Variants in ATP6V1E1 observed in about 807,000 individuals in gnomAD.
ATP6V1E1 encodes the protein ATPase H+ transporting V1 subunit E1, also known as V-type proton ATPase subunit E 1.
In ATP6V1E1, 21 loss-of-function variants were observed where a neutral mutation model predicts 35.2. That is an observed-to-expected ratio of 0.60 (90% confidence interval 0.42 to 0.86). The LOEUF (loss-of-function observed/expected upper bound fraction) is 0.86, where lower values mean the gene tolerates loss of function less well. ATP6V1E1 is among the 40% of genes least tolerant of loss of function. The probability of loss-of-function intolerance (pLI) is 0.00; values close to 1 mark genes in which losing one functional copy is unlikely to be tolerated. For missense variants in ATP6V1E1, 183 were observed against 272.6 expected (o/e 0.67, Z 2.32); for synonymous variants, 83 against 87.8 (o/e 0.95, Z 0.30).
chr22:17,612,210 C>T (rs779015798), intron 4 of ATP6V1E1, among the ~76,000 whole-genome samples: 18 of 152,284 alleles, frequency 1.2e-4, no homozygotes, highest in Admixed American at 4.6e-4. Context: ...GAATCTAGGG[C>T]CTCCACAGTC....
At chr22:17,605,099 G>C (rs546991559) in intron 4 of ATP6V1E1, among the ~76,000 whole-genome samples, 2 of 150,430 alleles carry the variant, frequency 1.3e-5, no homozygotes, top group Non-Finnish European at 2.9e-5. Flanking sequence ...CAGCTACTGG[G>C]GAGGCTGAGG....
chr22:17,596,969 A>G (rs906406194), intron 7 of ATP6V1E1, among the ~76,000 whole-genome samples: 1 of 151,982 alleles, frequency 6.6e-6, no homozygotes, highest in East Asian at 1.9e-4. Flanking sequence ...GGCACCAGGC[A>G]TGGTGGCTCA....
chr22:17,607,080 T>C (rs554835215), intron 4 of ATP6V1E1, among the ~76,000 whole-genome samples: 92 of 152,178 alleles, frequency 6.0e-4, no homozygotes, highest in Non-Finnish European at 1.0e-3. Flanking sequence ...AACAGACTCA[T>C]AGAGCTTCAC....
intron 2 of ATP6V1E1, among the ~76,000 whole-genome samples, chr22:17,614,500 T>TAC (rs112669120): frequency 0.33 from 48,471 of 148,470 alleles, 8,380 homozygotes; most frequent in Middle Eastern, 0.45. Flanking sequence ...CTACTAAAAA[T>TAC]ACACACACAC....
chr22:17,617,541 G>A (rs1486461607), intron 2 of ATP6V1E1, among the ~76,000 whole-genome samples: 1 of 152,014 alleles, frequency 6.6e-6, no homozygotes, highest in African/African-American at 2.4e-5. Flanking sequence ...TGATCCACTT[G>A]TGTCGGCCTC....
intron 7 of ATP6V1E1, among the ~76,000 whole-genome samples, chr22:17,596,236 G>A (rs1465434025): frequency 2.0e-5 from 3 of 152,222 alleles, no homozygotes; most frequent in Admixed American, 1.3e-4. Context: ...GTTTGAGTCT[G>A]TTCCCTCAGA....
At chr22:17,624,576 C>T (rs779612245) in intron 1 of ATP6V1E1, among the ~76,000 whole-genome samples, 5 of 151,334 alleles carry the variant, frequency 3.3e-5, no homozygotes, top group East Asian at 1.9e-4. Flanking sequence ...ATAACTCATG[C>T]GCAGTGGCTC....
intron 1 of ATP6V1E1, among the ~76,000 whole-genome samples, chr22:17,623,352 G>A (rs1261469786): frequency 6.6e-6 from 1 of 152,158 alleles, no homozygotes. Context: ...AGTTTAGTTT[G>A]AAGTCTCACT....
At chr22:17,608,947 G>A (rs942086693) in intron 4 of ATP6V1E1, among the ~76,000 whole-genome samples, 2 of 151,870 alleles carry the variant, frequency 1.3e-5, no homozygotes, top group African/African-American at 2.4e-5. Flanking sequence ...TTAGCCGGGC[G>A]CAGTGGCGGG....
intron 1 of ATP6V1E1, among the ~76,000 whole-genome samples, chr22:17,624,078 C>T (rs2146318679): frequency 6.6e-6 from 1 of 152,236 alleles, no homozygotes; most frequent in African/African-American, 2.4e-5. Flanking sequence ...CAAATATACA[C>T]AAATATTTTC....
intron 1 of ATP6V1E1, among the ~76,000 whole-genome samples, chr22:17,622,695 G>T (rs112410308): frequency 6.6e-6 from 1 of 152,124 alleles, no homozygotes; most frequent in Non-Finnish European, 1.5e-5. Context: ...CCTGGGTATG[G>T]TGGCTCATGC....
intron 4 of ATP6V1E1, among the ~76,000 whole-genome samples, chr22:17,602,302 C>T (rs1249364964): frequency 2.0e-5 from 3 of 151,998 alleles, no homozygotes; most frequent in Non-Finnish European, 4.4e-5. Flanking sequence ...TATCAGGAAA[C>T]AAATCTCATA....
At position 17,594,735 on chromosome 22, in the gene ATP6V1E1, A is replaced by C. The variant is rs180781581; in HGVS notation, c.531-119T>G. ...GGTGTGTAGACTGCGCAACCTAAGC[A>C]ACAGGCTTGAAAGGAACTGAAAAAG... is the stretch of plus-strand genomic sequence containing the variant. On this transcript the variant is annotated intron_variant, in intron 7 of 8. Coordinates refer to ENST00000253413, the MANE Select transcript of ATP6V1E1 (RefSeq NM_001696.4). 81 of 763,420 alleles carry C rather than the reference A, an allele frequency of 1.1e-4. No homozygotes were observed. The East Asian group carries it at 2.1e-3, about 20-fold the overall frequency. 47.3% of individuals were successfully genotyped at this position (763,420 alleles called of 1,614,324 possible). A position where few individuals can be genotyped will look rare whatever the true frequency, so the allele number is the denominator to read the frequency against.
intron 4 of ATP6V1E1, among the ~76,000 whole-genome samples, chr22:17,610,224 G>A (rs939043358): frequency 4.0e-5 from 6 of 151,692 alleles, no homozygotes; most frequent in Non-Finnish European, 5.9e-5. Context: ...CGTTAATTAC[G>A]TTTTTTAAAA....
chr22:17,593,211 G>C (rs1309891992), intron 8 of ATP6V1E1, among the ~76,000 whole-genome samples: 2 of 151,796 alleles, frequency 1.3e-5, no homozygotes, highest in Non-Finnish European at 2.9e-5. Flanking sequence ...CACATTCCTT[G>C]GTGAGAAACT....
intron 4 of ATP6V1E1, among the ~76,000 whole-genome samples, chr22:17,603,112 G>C (rs2057769784): frequency 6.6e-6 from 1 of 152,092 alleles, no homozygotes; most frequent in African/African-American, 2.4e-5. Context: ...ACCTCACCCA[G>C]CTAATTTTTG....
chr22:17,619,664 T>C (rs549166705), intron 1 of ATP6V1E1, 138 bp from the exon 2 acceptor site: 5 of 704,142 alleles, frequency 7.1e-6, no homozygotes, highest in South Asian at 3.9e-5. Flanking sequence ...GGAGGGAGGA[T>C]TGCTTTAGGC....
chr22:17,613,615 C>T (rs760081488), intron 2 of ATP6V1E1, among the ~76,000 whole-genome samples: 16 of 151,540 alleles, frequency 1.1e-4, no homozygotes, highest in Non-Finnish European at 1.9e-4. Flanking sequence ...ACCACACGTT[C>T]GAAACTTAAT....
chr22:17,609,487 G>C (rs1364035173), intron 4 of ATP6V1E1, among the ~76,000 whole-genome samples: 1 of 26,122 alleles, frequency 3.8e-5, no homozygotes. Context: ...TTTTTTTTTT[G>C]AGACGGAGTC....
Sources: allele counts gnomAD v4.1 joint callset (sites outside exome capture counted in the v4.1 genomes callset), GRCh38; gene constraint gnomAD v4.1.1; transcripts MANE v1.5; gene names NCBI Gene and HGNC (gene_info 2026-07-23, HGNC 2026-07-21).